Variants in ZNF385D observed in about 807,000 individuals in gnomAD.
The protein encoded by ZNF385D is zinc finger protein 385D, also known as zinc finger protein 659.
Under a neutral mutation model 35.8 loss-of-function variants are expected in ZNF385D, and 15 were observed. The ratio of observed to expected loss-of-function variants is 0.42; its 90% CI spans 0.28 to 0.64. The LOEUF (loss-of-function observed/expected upper bound fraction) is 0.64, where lower values mean the gene tolerates loss of function less well. Ranked by LOEUF, ZNF385D falls within the 30% of genes least tolerant of loss-of-function variation. The pLI is 0.23. For synonymous variants in ZNF385D, 212 were observed against 186.8 expected, an observed-to-expected ratio of 1.13 and a Z score of -1.10; for missense variants, 474 against 494.6, an observed-to-expected ratio of 0.96 and a Z score of 0.39.
At chr3:21,876,403 G>A (rs1697976180) in intron 3 of ZNF385D, among the ~76,000 whole-genome samples, 1 of 151,350 alleles carries the variant, frequency 6.6e-6, no homozygotes, top group African/African-American at 2.4e-5. Context: ...CTGACTGCCT[G>A]TGAGTTTTAT....
At chr3:22,122,076 C>T (rs1052841224) in intron 3 of ZNF385D, among the ~76,000 whole-genome samples, 2 of 152,098 alleles carry the variant, frequency 1.3e-5, no homozygotes, top group Admixed American at 6.6e-5. Flanking sequence ...GCACAAATAT[C>T]GTCTCAGCCC....
Position 21,642,076 on chromosome 3 carries a change from T to G in ZNF385D, c.165+22810A>C, listed in dbSNP as rs117188159. ...AAAACTCATCTGCATAATAAAAGAT[T>G]AGGTTGTGGTGGCCAGATTTTCACA... On this transcript the variant is annotated intron_variant, in intron 2 of 7. Transcript: ENST00000281523. 1.1e-4 allele frequency among the ~76,000 whole-genome samples: 16 copies of G among 152,234 alleles called. No individual in the cohort carries two copies. The East Asian group carries it at 2.7e-3, about 26-fold the overall frequency.
intron 3 of ZNF385D, among the ~76,000 whole-genome samples, chr3:21,552,643 A>G (rs2062607384): frequency 6.6e-6 from 1 of 152,216 alleles, no homozygotes; most frequent in South Asian, 2.1e-4. Context: ...CAATTTATTC[A>G]TATGTGTCAG....
rs116065249 is a variant in ZNF385D, at chr3:22,309,095, C to T, written c.106+63355G>A. ...ACCACACTGTGTAACTTGAAGGGTGCCAAGATATTCCACTAACGAATTTAA... is the reference window on the plus strand; with the variant it reads ...ACCACACTGTGTAACTTGAAGGGTGTCAAGATATTCCACTAACGAATTTAA... On this transcript the variant is annotated intron_variant, in intron 2 of 5. Coordinates refer to the ZNF385D transcript ENST00000494108. Among the ~76,000 whole-genome samples the T allele has an allele frequency of 2.4e-3, 372 of 152,072 alleles. 2 individuals carry two copies. Among genetic ancestry groups the T allele is most frequent in the African/African-American group, 8.9e-3 (368 of 41,508 alleles).
At chr3:22,223,251 T>C (rs1299442901) in intron 2 of ZNF385D, among the ~76,000 whole-genome samples, 2 of 152,192 alleles carry the variant, frequency 1.3e-5, no homozygotes, top group Admixed American at 6.5e-5. Flanking sequence ...AAATTTAATA[T>C]ACATATTGTA....
chr3:22,141,668 G>A (rs1268393661), intron 3 of ZNF385D, among the ~76,000 whole-genome samples: 1 of 90,454 alleles, frequency 1.1e-5, no homozygotes, highest in East Asian at 2.0e-4. Context: ...CGCCCCTGGG[G>A]GAGGAGGAGG....
intron 3 of ZNF385D, among the ~76,000 whole-genome samples, chr3:21,520,072 G>A (rs1410385438): frequency 1.3e-5 from 2 of 152,170 alleles, no homozygotes; most frequent in Non-Finnish European, 2.9e-5. Context: ...GTAGATAAAT[G>A]AGCAATAGCT....
chr3:21,833,696 T>A (rs980869454), intron 3 of ZNF385D, among the ~76,000 whole-genome samples: 2 of 152,140 alleles, frequency 1.3e-5, no homozygotes, highest in Non-Finnish European at 2.9e-5. Context: ...AAATCAGGCT[T>A]AAGAGCAGGA....
At chr3:21,828,015 T>C (rs1336185985) in intron 3 of ZNF385D, among the ~76,000 whole-genome samples, 1 of 152,226 alleles carries the variant, frequency 6.6e-6, no homozygotes, top group Non-Finnish European at 1.5e-5. Flanking sequence ...ACTCAGAGTT[T>C]ATGCATTTTC....
At chr3:22,311,297 C>T (rs979440312) in intron 2 of ZNF385D, among the ~76,000 whole-genome samples, 3 of 151,764 alleles carry the variant, frequency 2.0e-5, no homozygotes, top group South Asian at 4.1e-4. Context: ...AAACACAAAA[C>T]GGTAATTTGA....
At chr3:22,256,940 T>A (rs1008680496) in intron 2 of ZNF385D, among the ~76,000 whole-genome samples, 1 of 151,794 alleles carries the variant, frequency 6.6e-6, no homozygotes, top group Admixed American at 6.6e-5. Flanking sequence ...ATAGAAAATT[T>A]TTTTCAGGTT....
At chr3:22,067,483 A>G (rs1700014549) in intron 3 of ZNF385D, among the ~76,000 whole-genome samples, 1 of 152,214 alleles carries the variant, frequency 6.6e-6, no homozygotes, top group Non-Finnish European at 1.5e-5. Flanking sequence ...TGAGTTGGCA[A>G]CAGCTTCAGA....
chr3:21,991,402 A>T (rs1326711591), intron 3 of ZNF385D, among the ~76,000 whole-genome samples: 2 of 152,214 alleles, frequency 1.3e-5, no homozygotes, highest in African/African-American at 4.8e-5. Flanking sequence ...TTTTCTAAGT[A>T]TAAACTGGAA....
At chr3:21,937,473 T>C (rs977646076) in intron 3 of ZNF385D, among the ~76,000 whole-genome samples, 1 of 152,206 alleles carries the variant, frequency 6.6e-6, no homozygotes, top group South Asian at 2.1e-4. Context: ...CTAGCTACAC[T>C]AATAAGTCTC....
At chr3:22,193,454 A>G (rs1277886843) in intron 2 of ZNF385D, among the ~76,000 whole-genome samples, 1 of 152,098 alleles carries the variant, frequency 6.6e-6, no homozygotes, top group Non-Finnish European at 1.5e-5. Flanking sequence ...ATATTAACGA[A>G]TATTACATAG....
At chr3:22,283,716 T>G (rs2125384972) in intron 2 of ZNF385D, among the ~76,000 whole-genome samples, 1 of 152,260 alleles carries the variant, frequency 6.6e-6, no homozygotes, top group Admixed American at 6.5e-5. Flanking sequence ...GAAACTGAGT[T>G]AATAAATGTG....
chr3:21,654,312 A>G (rs182992658), intron 2 of ZNF385D, among the ~76,000 whole-genome samples: 1 of 152,180 alleles, frequency 6.6e-6, no homozygotes, highest in African/African-American at 2.4e-5. Flanking sequence ...AAAATGTGGA[A>G]TAAGAGGTTA....
At chr3:22,026,929 A>C (rs1697591878) in intron 3 of ZNF385D, among the ~76,000 whole-genome samples, 1 of 152,182 alleles carries the variant, frequency 6.6e-6, no homozygotes, top group Non-Finnish European at 1.5e-5. Context: ...AGATTAACCA[A>C]ACAGTGACTC....
chr3:21,712,357 A>C (rs958584391), intron 1 of ZNF385D, among the ~76,000 whole-genome samples: 4 of 152,112 alleles, frequency 2.6e-5, no homozygotes, highest in African/African-American at 9.7e-5. Flanking sequence ...TTCTCCAGTG[A>C]ACACCTGCCC....
Sources: gnomAD v4.1 joint callset for allele counts (sites outside exome capture counted in the v4.1 genomes callset) on GRCh38, gnomAD v4.1.1 for gene constraint, MANE v1.5 for transcripts, NCBI Gene and HGNC (gene_info 2026-07-23, HGNC 2026-07-21) for gene names.